Variants in REV3L observed in about 807,000 individuals in gnomAD.
The protein encoded by REV3L is DNA polymerase zeta catalytic subunit.
A neutral mutation model predicts 299.4 loss-of-function variants in REV3L; 69 were observed. The observed-to-expected ratio is 0.23, with a 90% CI of 0.19 to 0.28. The LOEUF is 0.28. Among genes scored for constraint, REV3L ranks in the 10% least tolerant of loss-of-function variants. REV3L has a pLI of 1.00. For missense variants in REV3L, 3,128 were observed against 3,693.8 expected, an observed-to-expected ratio of 0.85 and a Z score of 3.97; for synonymous variants, 1,238 against 1,271.4, an observed-to-expected ratio of 0.97 and a Z score of 0.56.
intron 22 of REV3L, among the ~76,000 whole-genome samples, chr6:111,333,588 C>A (rs1263672283): frequency 6.6e-6 from 1 of 151,466 alleles, no homozygotes; most frequent in East Asian, 2.0e-4. Flanking sequence ...GATTCTCCTA[C>A]CTCAGCCTCC....
intron 1 of REV3L, among the ~76,000 whole-genome samples, chr6:111,436,612 G>T (rs1332704431): frequency 6.6e-6 from 1 of 152,122 alleles, no homozygotes; most frequent in East Asian, 1.9e-4. Flanking sequence ...TAGACTGGTA[G>T]TTACCAGAAG....
rs757413163 is a variant in REV3L at position 111,390,081 on chromosome 6, T to C, written c.757+5A>G. The C allele has an allele frequency of 1.9e-6, 3 of 1,575,820 alleles. No homozygotes were observed. The highest frequency in any genetic ancestry group is 2.2e-5 in the South Asian group (2 of 90,182). On this transcript the variant is annotated splice_donor_5th_base_variant and intron_variant, in intron 6 of 31. Coordinates refer to ENST00000368802, the MANE Select transcript of REV3L (RefSeq NM_001372078.1). ...AACATATATTAAGAATAATTGTGTA[T>C]GAACCTTCAATGTCCAGACGATTTA...
At chr6:111,362,040 C>A (rs943935539) in intron 16 of REV3L, among the ~76,000 whole-genome samples, 1 of 152,110 alleles carries the variant, frequency 6.6e-6, no homozygotes, top group African/African-American at 2.4e-5. Context: ...TGTAACATGT[C>A]TTTTTGCTAT....
chr6:111,322,658 G>A lies in REV3L; in HGVS notation c.8262C>T (p.His2754=). Reference sequence around the variant, plus strand: ...CTCGTTCCAAGGTCTCTCTGGCTTTGTGAACAATACTATCGCCAACCTGTT... The same window carrying A: ...CTCGTTCCAAGGTCTCTCTGGCTTTATGAACAATACTATCGCCAACCTGTT... ...PCIEVGDSIV[H]KARETLERAI... The change falls in exon 26 of 32, where the codon CAC becomes CAT. Residue 2754 remains histidine (H), a synonymous_variant. Coordinates refer to ENST00000368802, the MANE Select transcript of REV3L (RefSeq NM_001372078.1). 1 of 1,614,000 alleles carries A rather than the reference G, an allele frequency of 6.2e-7. No individual in the cohort carries two copies. Among genetic ancestry groups the A allele is most frequent in the Non-Finnish European group, 8.5e-7 (1 of 1,179,940 alleles).
At chr6:111,353,170 A>C (rs1007689998) in intron 18 of REV3L, among the ~76,000 whole-genome samples, 59 of 152,208 alleles carry the variant, frequency 3.9e-4, no homozygotes, top group Non-Finnish European at 3.2e-4. Flanking sequence ...CTACAGTACT[A>C]GACTAATTTA....
chr6:111,330,861 CA>C (rs1775311839), intron 24 of REV3L: 1 of 424,976 alleles, frequency 2.4e-6, no homozygotes, highest in African/African-American at 2.2e-5. Context: ...TAAAATTTTC[CA>C]AAAAGAAACA....
At chr6:111,443,559 T>A (rs972567394) in intron 1 of REV3L, among the ~76,000 whole-genome samples, 1 of 152,344 alleles carries the variant, frequency 6.6e-6, no homozygotes, top group South Asian at 2.1e-4. Context: ...ATTTTGTTAG[T>A]GCAGGTCCAG....
rs1780249400 is a variant in REV3L at position 111,375,843 on chromosome 6, C to T, written c.2512G>A (p.Ala838Thr). 4 of 1,613,424 alleles carry T rather than the reference C, an allele frequency of 2.5e-6. No homozygotes were observed. Among genetic ancestry groups the T allele is most frequent in the Non-Finnish European group, 3.4e-6 (4 of 1,179,790 alleles). The change falls in exon 13 of 32, where the codon GCA becomes ACA. Residue 838 changes from alanine (A) to threonine (T), a missense_variant. This residue lies in a region of REV3L where 2,409 missense variants were observed against 2,611.8 expected (regional missense o/e 0.92). Transcript: ENST00000368802. ...SRLKLNKRKL[A>T]GHQETSTKSS... is the part of the protein sequence containing the mutation. ...TTGGTAGAAGTCTCCTGATGACCTG[C>T]AAGTTTCCTTTTATTCAATTTTAAC...
At chr6:111,352,382 T>G (rs961665952) in intron 18 of REV3L, among the ~76,000 whole-genome samples, 1 of 151,942 alleles carries the variant, frequency 6.6e-6, no homozygotes, top group African/African-American at 2.4e-5. Flanking sequence ...GAAATTGGGG[T>G]GGAAGGCAGG....
At chr6:111,473,556 G>A (rs542963741) in intron 1 of REV3L, among the ~76,000 whole-genome samples, 5 of 151,584 alleles carry the variant, frequency 3.3e-5, no homozygotes, top group Non-Finnish European at 5.9e-5. Context: ...TAAAGATACA[G>A]CCCAAGTCAT....
chr6:111,373,184 C>CTTA lies in REV3L; in HGVS notation c.5168_5170dup (p.Leu1723_Ser1724insIle). 1 of 1,614,112 alleles carries CTTA rather than the reference C, an allele frequency of 6.2e-7. No individual in the cohort carries two copies. The highest frequency in any genetic ancestry group is 2.2e-5 in the East Asian group (1 of 44,876). ...GGTTGACTTCTCAAAAATTTCAGGA[C>CTTA]TTAAAGTACCAGATCTAATCCATGA... On this transcript the variant is annotated inframe_insertion, in exon 13 of 32. Coordinates refer to ENST00000368802, the MANE Select transcript of REV3L (RefSeq NM_001372078.1).
At position 111,299,461 on chromosome 6, in the gene REV3L, A is replaced by AAAAT. The variant is rs1401063289; in HGVS notation, c.*551_*554dup. On this transcript the variant is annotated 3_prime_UTR_variant, in exon 32 of 32. Transcript: ENST00000368802. Reference sequence around the variant, plus strand: ...GTACTACTGTTTGCACAGTTTGATCAAAATAACGATCTACTTTGAGTCAAG... The same window carrying AAAAT: ...GTACTACTGTTTGCACAGTTTGATCAAAATAAATAACGATCTACTTTGAGTCAAG... 6.6e-6 allele frequency: 1 copy of AAAAT among 152,656 alleles called. No homozygotes were observed. The highest frequency in any genetic ancestry group is 1.5e-5 in the Non-Finnish European group (1 of 68,072). 9.5% of individuals were successfully genotyped at this position (152,656 alleles called of 1,614,324 possible). A position where few individuals can be genotyped will look rare whatever the true frequency, so the allele number is the denominator to read the frequency against.
Position 111,372,086 on chromosome 6 carries a change from G to T in REV3L, c.5759+510C>A, listed in dbSNP as rs1779860237. ...TAATAACAATAACAATATAATACAA[G>T]ATATTGAAACCACATGAAAAGTGGT... On this transcript the variant is annotated intron_variant, in intron 13 of 31. Coordinates refer to ENST00000368802, the MANE Select transcript of REV3L (RefSeq NM_001372078.1). 2.0e-5 allele frequency among the ~76,000 whole-genome samples: 3 copies of T among 152,052 alleles called. No individual in the cohort carries two copies. In the South Asian group the frequency reaches 6.2e-4, roughly 31 times the overall value.
intron 1 of REV3L, among the ~76,000 whole-genome samples, chr6:111,459,636 G>A (rs1313465934): frequency 6.6e-6 from 1 of 151,898 alleles, no homozygotes; most frequent in Non-Finnish European, 1.5e-5. Context: ...CTCAAAAGAA[G>A]ACATACAAAT....
At chr6:111,370,227 G>A (rs1289689857) in intron 13 of REV3L, among the ~76,000 whole-genome samples, 3 of 152,050 alleles carry the variant, frequency 2.0e-5, no homozygotes, top group Admixed American at 2.0e-4. Context: ...ACAACACAAA[G>A]GTAATGACTA....
At chr6:111,378,660 C>T (rs1410212195) in intron 11 of REV3L, among the ~76,000 whole-genome samples, 1 of 152,126 alleles carries the variant, frequency 6.6e-6, no homozygotes, top group Non-Finnish European at 1.5e-5. Flanking sequence ...CTGTTAATGG[C>T]TTTAATTATT....
At chr6:111,329,139 G>A (rs566260264) in intron 25 of REV3L, among the ~76,000 whole-genome samples, 2 of 152,156 alleles carry the variant, frequency 1.3e-5, no homozygotes, top group Non-Finnish European at 1.5e-5. Flanking sequence ...TGCCTCCTGG[G>A]TTCAAGCAAT....
At position 111,373,990 on chromosome 6, in the gene REV3L, A is replaced by G. The variant is rs760406836; in HGVS notation, c.4365T>C (p.Pro1455=). 9.9e-6 allele frequency: 16 copies of G among 1,614,030 alleles called. No homozygotes were observed. The highest frequency in any genetic ancestry group is 1.4e-5 in the Non-Finnish European group (16 of 1,179,988). The change falls in exon 13 of 32, where the codon CCT becomes CCC. Residue 1455 remains proline (P), a synonymous_variant. Coordinates refer to ENST00000368802, the MANE Select transcript of REV3L (RefSeq NM_001372078.1). ...TCAAGGAAGTTACAAAGCAATTATT[A>G]GGCATTTGGCTTTCCTCTGAAGCTG... ...GNTASEESQM[P]NNCFVTSLRS... is the part of the protein sequence containing the mutation.
rs1374848713 is a variant in REV3L, at chr6:111,392,866, A to G, written c.662+10T>C. 9 of 1,560,044 alleles carry G rather than the reference A, an allele frequency of 5.8e-6. No individual in the cohort carries two copies. The highest frequency in any genetic ancestry group is 6.2e-6 in the Non-Finnish European group (7 of 1,131,300). ...GTAAAATTTTCATTTCCTTTACAAC[A>G]TTAACTAACCTTGGTATTTCATCTT... On this transcript the variant is annotated intron_variant, in intron 5 of 31. Transcript: ENST00000368802.
Sources: gnomAD v4.1 joint callset for allele counts (sites outside exome capture counted in the v4.1 genomes callset) on GRCh38, gnomAD v4.1.1 for gene constraint, gnomAD v4.1.1 regional missense constraint, MANE v1.5 for transcripts, NCBI Gene and HGNC (gene_info 2026-07-23, HGNC 2026-07-21) for gene names.